DEUP1: variants seen among roughly 807,000 people sequenced by gnomAD.
DEUP1 encodes coiled-coil domain containing 67.
Under a neutral mutation model 87.4 loss-of-function variants are expected in DEUP1, and 82 were observed. The observed-to-expected ratio is 0.94, with a 90% CI of 0.78 to 1.13. The LOEUF (loss-of-function observed/expected upper bound fraction) is 1.13, where lower values mean the gene tolerates loss of function less well. Among genes scored for constraint, DEUP1 ranks in the 50% most tolerant of loss-of-function variants. The pLI is 0.00. For missense variants in DEUP1, 663 were observed against 681.5 expected, an observed-to-expected ratio of 0.97 and a Z score of 0.30; for synonymous variants, 214 against 222.7, an observed-to-expected ratio of 0.96 and a Z score of 0.35.
intron 11 of DEUP1, among the ~76,000 whole-genome samples, chr11:93,402,663 A>C (rs770658368): frequency 6.6e-6 from 1 of 152,058 alleles, no homozygotes; most frequent in Admixed American, 6.6e-5. Flanking sequence ...ACAATGGAAT[A>C]TTATTCAGCC....
chr11:93,338,576 T>A (rs1159608305), intron 2 of DEUP1, among the ~76,000 whole-genome samples: 4 of 151,530 alleles, frequency 2.6e-5, no homozygotes, highest in Non-Finnish European at 5.9e-5. Context: ...ATCTTTTTGT[T>A]TTGTTTTTTG....
intron 11 of DEUP1, among the ~76,000 whole-genome samples, chr11:93,403,346 T>G (rs775700068): frequency 6.6e-6 from 1 of 151,930 alleles, no homozygotes; most frequent in Non-Finnish European, 1.5e-5. Context: ...TCTTCAATTA[T>G]TTTTCCACTC....
At chr11:93,415,334 C>T (rs1947579374) in intron 13 of DEUP1, 1 of 281,956 alleles carries the variant, frequency 3.5e-6, no homozygotes, top group Non-Finnish European at 6.7e-6. Flanking sequence ...TGATTATTAA[C>T]CTCTAATGCA....
At chr11:93,417,497 A>G (rs1322811562) in intron 13 of DEUP1, among the ~76,000 whole-genome samples, 1 of 152,242 alleles carries the variant, frequency 6.6e-6, no homozygotes, top group Non-Finnish European at 1.5e-5. Flanking sequence ...CTCTTCAGGG[A>G]GAACTACAAA....
At chr11:93,387,688 T>C (rs1013983646) in intron 8 of DEUP1, among the ~76,000 whole-genome samples, 1 of 152,120 alleles carries the variant, frequency 6.6e-6, no homozygotes, top group African/African-American at 2.4e-5. Flanking sequence ...TTCAGCATTC[T>C]ACTTCCTGAA....
chr11:93,354,001 C>G (rs930351743), intron 2 of DEUP1, among the ~76,000 whole-genome samples: 1 of 152,106 alleles, frequency 6.6e-6, no homozygotes. Flanking sequence ...TTGAATTTCC[C>G]CTCAAAAAAT....
chr11:93,396,419 G>T lies in DEUP1; in HGVS notation c.1326+94G>T, dbSNP rs78419283. ...ATCATTTATTGAGCACTTGCTGTGT[G>T]TTAGACATGAAGGAGTTGGGTGGTA... On this transcript the variant is annotated intron_variant, in intron 11 of 13. Transcript: ENST00000298050. 2,225 of 744,574 alleles carry T rather than the reference G, an allele frequency of 3.0e-3. 67 individuals are homozygous for T. The East Asian group carries it at 0.056, about 19-fold the overall frequency. 46.1% of individuals were successfully genotyped at this position (744,574 alleles called of 1,614,324 possible).
At chr11:93,395,521 AT>A (rs1946915527) in intron 10 of DEUP1, among the ~76,000 whole-genome samples, 1 of 152,218 alleles carries the variant, frequency 6.6e-6, no homozygotes, top group African/African-American at 2.4e-5. Context: ...TTGTACCTGT[AT>A]AGGCAGGGAT....
chr11:93,414,761 A>G (rs2658776), intron 12 of DEUP1, among the ~76,000 whole-genome samples: 124,438 of 152,052 alleles, frequency 0.82, 51,089 homozygotes, highest in East Asian at 0.9. Flanking sequence ...AATAAGGATC[A>G]CAAAATATTT....
At chr11:93,340,836 A>G (rs921143310) in intron 2 of DEUP1, among the ~76,000 whole-genome samples, 1 of 152,220 alleles carries the variant, frequency 6.6e-6, no homozygotes, top group African/African-American at 2.4e-5. Flanking sequence ...AAGACTGGAG[A>G]AAATGCAAGC....
At chr11:93,437,417 A>G in intron 13 of DEUP1, 126 bp from the exon 14 acceptor site, 1 of 677,306 alleles carries the variant, frequency 1.5e-6, no homozygotes, top group South Asian at 2.1e-5. Context: ...AATTCAGCCC[A>G]GGATGTATTC....
intron 2 of DEUP1, among the ~76,000 whole-genome samples, chr11:93,340,918 T>C (rs183160974): frequency 1.0e-3 from 155 of 152,356 alleles, no homozygotes; most frequent in Non-Finnish European, 1.9e-3. Context: ...TGCCTGTATG[T>C]ACACCTGTAT....
At chr11:93,367,160 G>A (rs1197383414) in intron 5 of DEUP1, among the ~76,000 whole-genome samples, 3 of 151,762 alleles carry the variant, frequency 2.0e-5, no homozygotes, top group South Asian at 2.1e-4. Flanking sequence ...TTTCTTCTTC[G>A]GCCTTAATAC....
intron 13 of DEUP1, among the ~76,000 whole-genome samples, chr11:93,419,817 G>T (rs1032698556): frequency 7.0e-6 from 1 of 143,470 alleles, no homozygotes; most frequent in South Asian, 2.2e-4. Context: ...CATTTTCTGG[G>T]AAAAAAATAA....
intron 7 of DEUP1, among the ~76,000 whole-genome samples, chr11:93,381,591 T>C (rs1591188281): frequency 6.6e-6 from 1 of 152,184 alleles, no homozygotes; most frequent in Non-Finnish European, 1.5e-5. Flanking sequence ...ACATGTTTTT[T>C]AAATGTGCAA....
At chr11:93,432,523 C>T (rs947809742) in intron 13 of DEUP1, among the ~76,000 whole-genome samples, 1 of 152,160 alleles carries the variant, frequency 6.6e-6, no homozygotes, top group South Asian at 2.1e-4. Flanking sequence ...GTAATTTACC[C>T]CCAACCTGTT....
At chr11:93,351,625 A>G (rs57185696) in intron 2 of DEUP1, among the ~76,000 whole-genome samples, 254 of 152,308 alleles carry the variant, frequency 1.7e-3, no homozygotes, top group African/African-American at 5.8e-3. Flanking sequence ...TTAAATTTCA[A>G]TCTTAAAATT....
chr11:93,417,460 A>T (rs1243253063), intron 13 of DEUP1, among the ~76,000 whole-genome samples: 1 of 152,176 alleles, frequency 6.6e-6, no homozygotes, highest in Non-Finnish European at 1.5e-5. Context: ...ATACCTAGGA[A>T]TCCAACTTAC....
chr11:93,331,083 T>C (rs896262481), intron 1 of DEUP1, among the ~76,000 whole-genome samples: 11 of 152,230 alleles, frequency 7.2e-5, no homozygotes, highest in Admixed American at 1.3e-4. Context: ...AAGTGAGATA[T>C]TTGAGAATCT....
Sources: allele counts gnomAD v4.1 joint callset (sites outside exome capture counted in the v4.1 genomes callset), GRCh38; gene constraint gnomAD v4.1.1; transcripts MANE v1.5; gene names NCBI Gene and HGNC (gene_info 2026-07-23, HGNC 2026-07-21).